The following SORCS3 variants were observed in gnomAD, a reference collection of about 807,000 sequenced individuals.
The protein encoded by SORCS3 is sortilin related VPS10 domain containing receptor 3, also known as VPS10 domain-containing receptor SorCS3.
SORCS3 carries 57 observed loss-of-function variants against 146.3 expected under a neutral mutation model. That is an observed-to-expected ratio of 0.39 (90% confidence interval 0.31 to 0.49). The LOEUF (loss-of-function observed/expected upper bound fraction) is 0.49, where lower values mean the gene tolerates loss of function less well. Among genes scored for constraint, SORCS3 ranks in the 20% least tolerant of loss-of-function variants. SORCS3 has a pLI of 0.92. For synonymous variants in SORCS3, 653 were observed against 618.5 expected (o/e 1.06, Z -0.83); for missense variants, 1,341 against 1,575.5 (o/e 0.85, Z 2.52).
chr10:104,737,094 A>G (rs1240640461), intron 1 of SORCS3, among the ~76,000 whole-genome samples: 2 of 152,112 alleles, frequency 1.3e-5, no homozygotes, highest in East Asian at 1.9e-4. Context: ...CCATGTCCCT[A>G]CAAAGGACAT....
chr10:104,862,732 A>G (rs1157749676), intron 2 of SORCS3, among the ~76,000 whole-genome samples: 1 of 152,188 alleles, frequency 6.6e-6, no homozygotes, highest in Non-Finnish European at 1.5e-5. Context: ...ATCAGATGCC[A>G]ATATTCCCCT....
chr10:104,895,352 C>T lies in SORCS3; in HGVS notation c.696-20481C>T, dbSNP rs530183151. On this transcript the variant is annotated intron_variant, in intron 2 of 26. Transcript: ENST00000369701. Reference sequence around the variant, plus strand: ...TGCCCTCAGGTGCAAACTCGTGCCCCATCCCTTAAAGGTAGTGAGTGATAG... The same window carrying T: ...TGCCCTCAGGTGCAAACTCGTGCCCTATCCCTTAAAGGTAGTGAGTGATAG... 2.9e-4 allele frequency among the ~76,000 whole-genome samples: 44 copies of T among 152,312 alleles called. No individual in the cohort carries two copies. In the South Asian group the frequency reaches 8.7e-3, roughly 30 times the overall value.
chr10:104,684,451 A>G (rs2133267994), intron 1 of SORCS3, among the ~76,000 whole-genome samples: 1 of 152,292 alleles, frequency 6.6e-6, no homozygotes, highest in Admixed American at 6.5e-5. Context: ...ATTTTTCAAC[A>G]TTTTTTGAGC....
At chr10:105,206,009 G>C (rs535267790) in intron 16 of SORCS3, among the ~76,000 whole-genome samples, 1 of 152,166 alleles carries the variant, frequency 6.6e-6, no homozygotes, top group Admixed American at 6.5e-5. Context: ...AGAAGACAGG[G>C]GAGGAGATTT....
intron 3 of SORCS3, among the ~76,000 whole-genome samples, chr10:104,951,468 C>T (rs1236347312): frequency 1.3e-5 from 2 of 152,108 alleles, no homozygotes; most frequent in African/African-American, 4.8e-5. Context: ...GCTGGGACTA[C>T]AGGCACATGC....
intron 5 of SORCS3, among the ~76,000 whole-genome samples, chr10:105,058,115 T>C (rs2055458349): frequency 6.6e-6 from 1 of 152,180 alleles, no homozygotes; most frequent in African/African-American, 2.4e-5. Flanking sequence ...CTGTGCACAA[T>C]GGAGGCAGAG....
At chr10:104,761,792 A>G (rs981698150) in intron 1 of SORCS3, among the ~76,000 whole-genome samples, 1 of 152,154 alleles carries the variant, frequency 6.6e-6, no homozygotes, top group African/African-American at 2.4e-5. Context: ...TACTGCCTGT[A>G]AAGCGTTGAC....
intron 1 of SORCS3, among the ~76,000 whole-genome samples, chr10:104,709,576 C>G (rs138945603): frequency 8.2e-4 from 125 of 152,312 alleles, no homozygotes; most frequent in African/African-American, 2.9e-3. Flanking sequence ...ATCTTTTCAG[C>G]ACCCCATGAG....
chr10:104,671,147 G>C (rs61016516), intron 1 of SORCS3, among the ~76,000 whole-genome samples: 1 of 149,204 alleles, frequency 6.7e-6, no homozygotes, highest in Non-Finnish European at 1.5e-5. Flanking sequence ...TTTTCTTGCC[G>C]AATTGCTCTG....
chr10:104,955,294 G>T (rs1271284990), intron 3 of SORCS3, among the ~76,000 whole-genome samples: 1 of 150,200 alleles, frequency 6.7e-6, no homozygotes, highest in Non-Finnish European at 1.5e-5. Flanking sequence ...TGTTTCTGCT[G>T]CTTCTTACCT....
At chr10:105,129,414 AG>A (rs2056001398) in intron 7 of SORCS3, among the ~76,000 whole-genome samples, 1 of 141,336 alleles carries the variant, frequency 7.1e-6, no homozygotes, top group African/African-American at 2.7e-5. Flanking sequence ...GAGCACAGAG[AG>A]GGGGCAATGT....
At chr10:104,989,834 T>C (rs1251412054) in intron 4 of SORCS3, among the ~76,000 whole-genome samples, 1 of 152,198 alleles carries the variant, frequency 6.6e-6, no homozygotes, top group East Asian at 1.9e-4. Flanking sequence ...AAGGCAAATA[T>C]AGAAGCTGAG....
At chr10:104,716,631 A>C (rs1403300525) in intron 1 of SORCS3, among the ~76,000 whole-genome samples, 1 of 152,208 alleles carries the variant, frequency 6.6e-6, no homozygotes, top group Non-Finnish European at 1.5e-5. Context: ...CATTAGGACC[A>C]AGGAGAGCAA....
chr10:105,252,885 C>T lies in SORCS3; in HGVS notation c.3216C>T (p.Gly1072=). 6.2e-7 allele frequency: 1 copy of T among 1,613,648 alleles called. No homozygotes were observed. Among genetic ancestry groups the T allele is most frequent in the Non-Finnish European group, 8.5e-7 (1 of 1,179,802 alleles). The change falls in exon 23 of 27, where the codon GGC becomes GGT. Residue 1072 remains glycine (G), a synonymous_variant. Transcript: ENST00000369701. ...PPKNLTERRK[G]NEGDLEQIVE... The stretch of plus-strand genomic sequence containing the variant: ...AGAACCTGACAGAGAGGAGGAAAGG[C>T]AATGAAGGGGACCTGGAACAAGTAA...
At chr10:104,829,253 A>G (rs1055373869) in intron 1 of SORCS3, among the ~76,000 whole-genome samples, 3 of 152,196 alleles carry the variant, frequency 2.0e-5, no homozygotes, top group Non-Finnish European at 4.4e-5. Context: ...GCAGATAGAA[A>G]ATTATAGTCT....
chr10:104,884,206 C>A (rs1240498692), intron 2 of SORCS3, among the ~76,000 whole-genome samples: 1 of 152,052 alleles, frequency 6.6e-6, no homozygotes, highest in East Asian at 1.9e-4. Context: ...AGTTTGCAAC[C>A]CTGCAGGTGA....
At chr10:105,025,758 C>G (rs2055224091) in intron 4 of SORCS3, among the ~76,000 whole-genome samples, 1 of 151,430 alleles carries the variant, frequency 6.6e-6, no homozygotes, top group Non-Finnish European at 1.5e-5. Flanking sequence ...CAGCCCTTAG[C>G]AGAGCACACA....
chr10:105,125,149 T>G (rs148100744), intron 7 of SORCS3, among the ~76,000 whole-genome samples: 1 of 152,236 alleles, frequency 6.6e-6, no homozygotes, highest in African/African-American at 2.4e-5. Flanking sequence ...GTTGATTGAA[T>G]GTAGCTATCC....
At chr10:105,144,214 T>C (rs1346408869) in intron 8 of SORCS3, among the ~76,000 whole-genome samples, 1 of 152,246 alleles carries the variant, frequency 6.6e-6, no homozygotes, top group East Asian at 1.9e-4. Flanking sequence ...CCCACACATT[T>C]CCTTGACTGT....
Sources: allele counts gnomAD v4.1 joint callset (sites outside exome capture counted in the v4.1 genomes callset), GRCh38; gene constraint gnomAD v4.1.1; transcripts MANE v1.5; gene names NCBI Gene and HGNC (gene_info 2026-07-23, HGNC 2026-07-21).